The following PRDM5 variants were observed in gnomAD, a reference collection of about 807,000 sequenced individuals.
PRDM5 encodes PR domain zinc finger protein 5.
PRDM5 carries 56 observed loss-of-function variants against 81.2 expected under a neutral mutation model. That is an observed-to-expected ratio of 0.69 (90% CI 0.56 to 0.86). PRDM5 has a LOEUF of 0.86. PRDM5 is among the 40% of genes least tolerant of loss of function. PRDM5 has a pLI of 0.00. For missense variants in PRDM5, 697 were observed against 770.1 expected, an observed-to-expected ratio of 0.91 and a Z score of 1.12; for synonymous variants, 267 against 256.4, an observed-to-expected ratio of 1.04 and a Z score of -0.39.
At chr4:120,818,209 A>C in intron 5 of PRDM5, 144 bp downstream of exon 5, 1 of 778,602 alleles carries the variant, frequency 1.3e-6, no homozygotes, top group Non-Finnish European at 2.1e-6. Flanking sequence ...TACCAATGTA[A>C]AATGCTTAAT....
intron 12 of PRDM5, among the ~76,000 whole-genome samples, chr4:120,779,112 C>A (rs1349406921): frequency 4.1e-4 from 63 of 151,872 alleles, no homozygotes; most frequent in Non-Finnish European, 2.9e-5. Context: ...GCCATTGGTT[C>A]CAAACTGAAG....
intron 14 of PRDM5, among the ~76,000 whole-genome samples, chr4:120,735,980 C>T (rs1011662958): frequency 9.2e-5 from 14 of 152,058 alleles, no homozygotes; most frequent in Non-Finnish European, 1.9e-4. Flanking sequence ...GAAGTAATTT[C>T]TCCTCATCCT....
chr4:120,792,564 G>C (rs553584535), intron 10 of PRDM5, among the ~76,000 whole-genome samples: 1 of 152,076 alleles, frequency 6.6e-6, no homozygotes. Context: ...TCCCACTTCC[G>C]GGTACATCTT....
intron 14 of PRDM5, among the ~76,000 whole-genome samples, chr4:120,751,573 CAA>C (rs1213401314): frequency 1.3e-5 from 2 of 151,732 alleles, no homozygotes; most frequent in Non-Finnish European, 2.9e-5. Flanking sequence ...TGCAAAAATA[CAA>C]TGAAAAACAC....
At chr4:120,697,634 G>A (rs1734679191) in intron 15 of PRDM5, among the ~76,000 whole-genome samples, 2 of 2,772 alleles carry the variant, frequency 7.2e-4, no homozygotes, top group Admixed American at 0.015. Flanking sequence ...GGAGAAGCTG[G>A]GACTACAGGC....
intron 13 of PRDM5, among the ~76,000 whole-genome samples, chr4:120,757,483 G>A (rs1038384068): frequency 6.6e-6 from 1 of 152,152 alleles, no homozygotes; most frequent in Non-Finnish European, 1.5e-5. Context: ...AATTTTACAT[G>A]TCAACTTGAC....
rs145369833 is a variant in PRDM5 at position 120,859,889 on chromosome 4, T to C, written c.178-6349A>G. Among the ~76,000 whole-genome samples, 469 of 152,314 alleles carry C rather than the reference T, an allele frequency of 3.1e-3. 3 individuals are homozygous for C. The highest frequency in any genetic ancestry group is 0.011 in the African/African-American group (457 of 41,568). ...TGGACATGATTTTCAGTTCCATTAC[T>C]GTCCGGGTTATCCTCATGGGTGCAC... On this transcript the variant is annotated intron_variant, in intron 2 of 15. Coordinates refer to ENST00000264808, the MANE Select transcript of PRDM5 (RefSeq NM_018699.4).
intron 2 of PRDM5, among the ~76,000 whole-genome samples, chr4:120,890,644 A>C (rs1763941647): frequency 6.6e-6 from 1 of 152,034 alleles, no homozygotes; most frequent in South Asian, 2.1e-4. Context: ...GTTTTTGTTT[A>C]CTTTTTAGTA....
At chr4:120,876,788 C>T (rs1483505005) in intron 2 of PRDM5, among the ~76,000 whole-genome samples, 1 of 152,078 alleles carries the variant, frequency 6.6e-6, no homozygotes, top group African/African-American at 2.4e-5. Context: ...GGAATGCATG[C>T]AAAATTTTAG....
intron 3 of PRDM5, among the ~76,000 whole-genome samples, chr4:120,850,283 G>A (rs925978436): frequency 6.6e-5 from 10 of 152,082 alleles, no homozygotes; most frequent in African/African-American, 2.4e-4. Context: ...GAATGCAAGT[G>A]ATTCATAATG....
intron 4 of PRDM5, 135 bp downstream of exon 4, chr4:120,821,036 C>T (rs191776353): frequency 2.8e-6 from 3 of 1,074,442 alleles, no homozygotes; most frequent in East Asian, 2.4e-5. Flanking sequence ...AGGATACCCT[C>T]GAGAATAATT....
Position 120,763,873 on chromosome 4 carries a change from T to C in PRDM5, c.1538-9235A>G, listed in dbSNP as rs1465401466. Reference sequence around the variant, plus strand: ...AGGAAGTATCAAGAGTATATAACGTTGAGTAGCAAGAAACCCATAAAATTA... The same window carrying C: ...AGGAAGTATCAAGAGTATATAACGTCGAGTAGCAAGAAACCCATAAAATTA... On this transcript the variant is annotated intron_variant, in intron 13 of 15. Coordinates refer to ENST00000264808, the MANE Select transcript of PRDM5 (RefSeq NM_018699.4). Among the ~76,000 whole-genome samples the C allele has an allele frequency of 2.0e-5, 3 of 151,578 alleles. No individual in the cohort carries two copies. In the East Asian group the frequency reaches 5.8e-4, roughly 29 times the overall value.
chr4:120,786,580 T>C lies in PRDM5; in HGVS notation c.1189-1489A>G, dbSNP rs186454175. On this transcript the variant is annotated intron_variant, in intron 10 of 15. Coordinates refer to ENST00000264808, the MANE Select transcript of PRDM5 (RefSeq NM_018699.4). ...CTACCACTCACCTCCTACAATAAGA[T>C]AAATTGCAAATCAATTTAGGTATTT... Among the ~76,000 whole-genome samples the C allele has an allele frequency of 2.6e-5, 4 of 152,258 alleles. No homozygotes were observed. In the East Asian group the frequency reaches 7.7e-4, roughly 29 times the overall value.
chr4:120,840,833 G>A (rs1305775826), intron 3 of PRDM5, among the ~76,000 whole-genome samples: 1 of 152,188 alleles, frequency 6.6e-6, no homozygotes, highest in Non-Finnish European at 1.5e-5. Flanking sequence ...TGGCTGGCAT[G>A]ATGGCAGCGG....
intron 3 of PRDM5, among the ~76,000 whole-genome samples, chr4:120,825,202 T>C (rs898044668): frequency 6.6e-6 from 1 of 152,118 alleles, no homozygotes; most frequent in African/African-American, 2.4e-5. Context: ...GCCTATCTCA[T>C]AGGATGGCTG....
chr4:120,835,817 C>T (rs73843626), intron 3 of PRDM5, among the ~76,000 whole-genome samples: 1,598 of 150,438 alleles, frequency 0.011, 25 homozygotes, highest in African/African-American at 0.034. Context: ...GCTATAAAGG[C>T]GAAAGAAAAA....
intron 13 of PRDM5, among the ~76,000 whole-genome samples, chr4:120,760,476 T>C (rs1745444132): frequency 6.6e-6 from 1 of 152,184 alleles, no homozygotes; most frequent in Admixed American, 6.5e-5. Context: ...ATTAATAAAA[T>C]AGATTTAGTG....
intron 2 of PRDM5, among the ~76,000 whole-genome samples, chr4:120,855,787 T>C (rs931160655): frequency 1.5e-4 from 23 of 152,304 alleles, no homozygotes; most frequent in African/African-American, 5.5e-4. Context: ...AATCTATAAC[T>C]GTTACTGAAA....
intron 3 of PRDM5, among the ~76,000 whole-genome samples, chr4:120,842,206 T>C (rs142415402): frequency 6.6e-6 from 1 of 152,276 alleles, no homozygotes; most frequent in East Asian, 1.9e-4. Flanking sequence ...CTGGCTAAGA[T>C]AAAACTACTT....
Sources: allele counts gnomAD v4.1 joint callset (sites outside exome capture counted in the v4.1 genomes callset), GRCh38; gene constraint gnomAD v4.1.1; transcripts MANE v1.5; gene names NCBI Gene and HGNC (gene_info 2026-07-23, HGNC 2026-07-21).